DLC1: variants seen among roughly 807,000 people sequenced by gnomAD.
DLC1 encodes rho GTPase-activating protein 7.
DLC1 carries 54 observed loss-of-function variants against 140.3 expected under a neutral mutation model. The observed-to-expected ratio is 0.38, with a 90% confidence interval of 0.31 to 0.48. The LOEUF is 0.48. Among genes scored for constraint, DLC1 ranks in the 20% least tolerant of loss-of-function variants. The pLI, the probability that DLC1 is intolerant of heterozygous loss-of-function variation, is 0.96. For synonymous variants in DLC1, 986 were observed against 728.1 expected, an observed-to-expected ratio of 1.35 and a Z score of -5.70; for missense variants, 2,536 against 1,907.0, an observed-to-expected ratio of 1.33 and a Z score of -6.14.
rs546853588 is a variant in DLC1 at position 13,110,439 on chromosome 8, T to C, written c.1502+303A>G. 2.6e-5 allele frequency among the ~76,000 whole-genome samples: 4 copies of C among 152,326 alleles called. No homozygotes were observed. The South Asian group carries it at 8.3e-4, about 32-fold the overall frequency. On this transcript the variant is annotated intron_variant, in intron 7 of 17. Transcript: ENST00000276297. ...ATGCTTAATTTCCATCGTACCCTTT[T>C]AGGAAACCTTAATCCACGTTTCCAA... is the stretch of plus-strand genomic sequence containing the variant.
At chr8:13,246,677 G>A (rs1396593096) in intron 5 of DLC1, among the ~76,000 whole-genome samples, 4 of 149,476 alleles carry the variant, frequency 2.7e-5, no homozygotes, top group East Asian at 2.0e-4. Flanking sequence ...TTTTCTACGC[G>A]ACCACATTCC....
chr8:13,336,871 A>G (rs1363088690), intron 4 of DLC1, among the ~76,000 whole-genome samples: 1 of 146,064 alleles, frequency 6.8e-6, no homozygotes, highest in Non-Finnish European at 1.5e-5. Context: ...CAAAATTAAC[A>G]CATTAAGACT....
intron 5 of DLC1, among the ~76,000 whole-genome samples, chr8:13,288,313 C>T (rs780276016): frequency 5.3e-5 from 8 of 152,068 alleles, no homozygotes; most frequent in Non-Finnish European, 8.8e-5. Context: ...GGCAATGTAA[C>T]GGATTAATAA....
chr8:13,581,030 C>T (rs565281012), intron 1 of DLC1, among the ~76,000 whole-genome samples: 12 of 152,252 alleles, frequency 7.9e-5, no homozygotes, highest in East Asian at 7.7e-4. Flanking sequence ...GAAGAGAAAG[C>T]GGTGAAACCT....
At chr8:13,092,938 C>T (rs1818201251) in intron 12 of DLC1, 113 bp from the exon 13 acceptor site, 4 of 1,201,764 alleles carry the variant, frequency 3.3e-6, no homozygotes, top group Non-Finnish European at 4.7e-6. Context: ...ACTGAACAAG[C>T]ACTTGTAGAA....
chr8:13,436,508 G>T (rs750747696), intron 2 of DLC1, among the ~76,000 whole-genome samples: 8 of 152,080 alleles, frequency 5.3e-5, no homozygotes, highest in Admixed American at 3.3e-4. Flanking sequence ...TATAAAACAG[G>T]TTCTTAGATT....
rs570601588 is a variant in DLC1 at position 13,149,670 on chromosome 8, CT to C, written c.1349-34014del. On this transcript the variant is annotated intron_variant, in intron 5 of 17. Coordinates refer to ENST00000276297, the MANE Select transcript of DLC1 (RefSeq NM_182643.3). ...TCTTTTATAGTTGATGACATTCCCC[CT>C]ATCTTCAGAAAGGCAAAGAGAACCT... 8.5e-5 allele frequency among the ~76,000 whole-genome samples: 13 copies of C among 152,308 alleles called. No individual in the cohort carries two copies. In the South Asian group the frequency reaches 2.5e-3, roughly 29 times the overall value.
intron 5 of DLC1, among the ~76,000 whole-genome samples, chr8:13,141,826 AT>A (rs1357621271): frequency 6.6e-6 from 1 of 152,214 alleles, no homozygotes; most frequent in Admixed American, 6.5e-5. Flanking sequence ...ATTCAGTTGA[AT>A]TAAGCTGGAC....
intron 5 of DLC1, among the ~76,000 whole-genome samples, chr8:13,217,004 A>G (rs1828234862): frequency 1.3e-5 from 2 of 152,148 alleles, no homozygotes; most frequent in Non-Finnish European, 2.9e-5. Flanking sequence ...TGTTCTGTGC[A>G]CAATAAAGAA....
upstream of DLC1, among the ~76,000 whole-genome samples, chr8:13,517,818 C>T (rs566535381): frequency 2.6e-5 from 4 of 152,176 alleles, no homozygotes; most frequent in Non-Finnish European, 4.4e-5. Context: ...GTTACCTAAC[C>T]GGGGTGAGGA....
chr8:13,395,811 G>A lies in DLC1; in HGVS notation c.1174-2118C>T, dbSNP rs148133887. Among the ~76,000 whole-genome samples the A allele has an allele frequency of 5.0e-3, 754 of 151,626 alleles. 8 individuals are homozygous for A. The highest frequency in any genetic ancestry group is 5.3e-3 in the Non-Finnish European group (360 of 67,906). On this transcript the variant is annotated intron_variant, in intron 3 of 17. Transcript: ENST00000276297. ...AACTCTGAGCAAATTTCTGATGCCT[G>A]GAATGATTTTGGATCAGGGCCATGT...
At chr8:13,527,658 T>C (rs1269286152) in intron 1 of DLC1, among the ~76,000 whole-genome samples, 1 of 152,166 alleles carries the variant, frequency 6.6e-6, no homozygotes, top group African/African-American at 2.4e-5. Flanking sequence ...AATCATATTG[T>C]TATTTTGGTA....
intron 5 of DLC1, among the ~76,000 whole-genome samples, chr8:13,293,282 A>G (rs1226632365): frequency 1.3e-5 from 2 of 152,190 alleles, no homozygotes; most frequent in Non-Finnish European, 2.9e-5. Flanking sequence ...CATGTTCAGG[A>G]TAAATTAAAT....
At chr8:13,381,655 A>C (rs1332735667) in intron 4 of DLC1, among the ~76,000 whole-genome samples, 3 of 152,176 alleles carry the variant, frequency 2.0e-5, no homozygotes, top group African/African-American at 7.2e-5. Context: ...GTTTGTAACC[A>C]CATGAGTATA....
rs750350557 is a variant in DLC1 at position 13,259,181 on chromosome 8, A to T, written c.1348+46088T>A. On this transcript the variant is annotated intron_variant, in intron 5 of 17. Coordinates refer to ENST00000276297, the MANE Select transcript of DLC1 (RefSeq NM_182643.3). ...AAAAGAGAAAATCAAAAGATTAAAA[A>T]TTACAATTATGAAATACCCACTCCA... is the stretch of plus-strand genomic sequence containing the variant. 8.5e-4 allele frequency among the ~76,000 whole-genome samples: 129 copies of T among 151,948 alleles called. 1 individual carries two copies. The highest frequency in any genetic ancestry group is 2.5e-3 in the South Asian group (12 of 4,798).
chr8:13,235,282 C>A (rs549663371), intron 5 of DLC1, among the ~76,000 whole-genome samples: 1 of 152,004 alleles, frequency 6.6e-6, no homozygotes, highest in Non-Finnish European at 1.5e-5. Flanking sequence ...CCAGTGACAA[C>A]AGTGGTCTTT....
At chr8:13,445,146 G>A (rs546511640) in intron 2 of DLC1, among the ~76,000 whole-genome samples, 5 of 152,234 alleles carry the variant, frequency 3.3e-5, no homozygotes, top group African/African-American at 1.2e-4. Flanking sequence ...AGCACAGAGG[G>A]AGGAAGGGAG....
intron 5 of DLC1, among the ~76,000 whole-genome samples, chr8:13,195,742 C>T (rs750419817): frequency 6.6e-6 from 1 of 152,174 alleles, no homozygotes; most frequent in Admixed American, 6.5e-5. Flanking sequence ...TACCAAGTAA[C>T]ATGCCCATCC....
intron 5 of DLC1, among the ~76,000 whole-genome samples, chr8:13,206,170 A>C (rs746376176): frequency 6.6e-6 from 1 of 152,222 alleles, no homozygotes; most frequent in Non-Finnish European, 1.5e-5. Flanking sequence ...AACTTCACTG[A>C]ATAGCCAATG....
Sources: allele counts gnomAD v4.1 joint callset (sites outside exome capture counted in the v4.1 genomes callset), GRCh38; gene constraint gnomAD v4.1.1; transcripts MANE v1.5; gene names NCBI Gene and HGNC (gene_info 2026-07-23, HGNC 2026-07-21).